Variants in MYLK observed in about 807,000 individuals in gnomAD.
MYLK encodes the protein myosin light chain kinase.
MYLK carries 106 observed loss-of-function variants against 203.4 expected under a neutral mutation model. That is an observed-to-expected ratio of 0.52 (90% CI 0.45 to 0.61). The LOEUF (loss-of-function observed/expected upper bound fraction) is 0.61. Ranked by LOEUF, MYLK falls within the 20% of genes least tolerant of loss-of-function variation. The pLI, the probability that MYLK is intolerant of heterozygous loss-of-function variation, is 0.00. For synonymous variants in MYLK, 867 were observed against 959.5 expected (o/e 0.90, Z 1.78); for missense variants, 2,072 against 2,442.3 (o/e 0.85, Z 3.20).
intron 2 of MYLK, among the ~76,000 whole-genome samples, chr3:123,858,333 C>T (rs990033624): frequency 2.6e-5 from 4 of 152,176 alleles, no homozygotes; most frequent in Non-Finnish European, 4.4e-5. Flanking sequence ...TCTAACCTTT[C>T]ACCCATTCCC....
chr3:123,643,178 C>T (rs534237399), intron 27 of MYLK, among the ~76,000 whole-genome samples: 1 of 152,310 alleles, frequency 6.6e-6, no homozygotes, highest in African/African-American at 2.4e-5. Context: ...TCCATGGCCT[C>T]GTCTCCGCAC....
At chr3:123,797,817 A>G (rs1381842444) in intron 3 of MYLK, among the ~76,000 whole-genome samples, 2 of 152,250 alleles carry the variant, frequency 1.3e-5, no homozygotes, top group Non-Finnish European at 2.9e-5. Flanking sequence ...AATATAGCAT[A>G]AAAGGCATTC....
intron 3 of MYLK, among the ~76,000 whole-genome samples, chr3:123,827,090 C>A (rs1560268330): frequency 6.6e-6 from 1 of 151,912 alleles, no homozygotes; most frequent in African/African-American, 2.4e-5. Context: ...ATATGAAATG[C>A]CAGAAAAACA....
chr3:123,664,493 AGGAT>A (rs141156567), intron 22 of MYLK, among the ~76,000 whole-genome samples: 138,855 of 151,408 alleles, frequency 0.92, 64,834 homozygotes, highest in East Asian at 1. Context: ...GAGCAGGGGC[AGGAT>A]GGATGGATGA....
At chr3:123,808,654 A>G (rs1202852938) in intron 3 of MYLK, among the ~76,000 whole-genome samples, 1 of 152,186 alleles carries the variant, frequency 6.6e-6, no homozygotes, top group Non-Finnish European at 1.5e-5. Context: ...CACTGGTCCA[A>G]TTACAGAAAG....
At position 123,744,066 on chromosome 3, in the gene MYLK, C is replaced by T. The variant is rs185155542; in HGVS notation, c.374-4065G>A. On this transcript the variant is annotated intron_variant, in intron 5 of 33. Coordinates refer to ENST00000360304, the MANE Select transcript of MYLK (RefSeq NM_053025.4). ...TCCACTCTATCAGAACAAATATCCGCTTTTTATAACACGTATTAACTGATA... is the reference window on the plus strand; with the variant it reads ...TCCACTCTATCAGAACAAATATCCGTTTTTTATAACACGTATTAACTGATA... Among the ~76,000 whole-genome samples the T allele has an allele frequency of 4.5e-4, 35 of 77,128 alleles. 1 individual carries two copies. The highest frequency in any genetic ancestry group is 1.6e-3 in the African/African-American group (33 of 20,822). The allele number at this position is 77,128 out of a possible 152,430, so 50.6% of individuals were successfully genotyped here.
intron 21 of MYLK, 78 bp from the exon 22 acceptor site, chr3:123,666,424 A>G: frequency 1.2e-6 from 2 of 1,601,182 alleles, no homozygotes; most frequent in Non-Finnish European, 1.7e-6. Flanking sequence ...CATTGTCCAC[A>G]GTGGTCTGTT....
At chr3:123,786,267 C>T (rs1012423026) in intron 4 of MYLK, among the ~76,000 whole-genome samples, 2 of 150,428 alleles carry the variant, frequency 1.3e-5, no homozygotes, top group Admixed American at 6.6e-5. Context: ...TGTGTCACTG[C>T]ACTCCAGCTT....
rs945151694 is a variant in MYLK at position 123,648,346 on chromosome 3, A to T, written c.4415+625T>A. Among the ~76,000 whole-genome samples the T allele has an allele frequency of 2.0e-5, 3 of 152,232 alleles. No individual in the cohort carries two copies. Among genetic ancestry groups the T allele is most frequent in the Non-Finnish European group, 4.4e-5 (3 of 68,042 alleles). On this transcript the variant is annotated intron_variant, in intron 26 of 33. Coordinates refer to ENST00000360304, the MANE Select transcript of MYLK (RefSeq NM_053025.4). The surrounding 1 kb of genome is among the most constrained non-coding windows in gnomAD (Gnocchi z 4.5). The stretch of plus-strand genomic sequence containing the variant: ...GAGCTTGATGACTGCTGCGCGTTTA[A>T]TGGAGCACTAACGCAGGCATTGCTT...
chr3:123,668,988 C>A (rs1458954749), intron 20 of MYLK, among the ~76,000 whole-genome samples: 1 of 152,238 alleles, frequency 6.6e-6, no homozygotes, highest in Non-Finnish European at 1.5e-5. Flanking sequence ...ATCCAGATAA[C>A]TTCACCTCTG....
At chr3:123,805,997 A>G (rs1291265864) in intron 3 of MYLK, among the ~76,000 whole-genome samples, 1 of 152,268 alleles carries the variant, frequency 6.6e-6, no homozygotes, top group Admixed American at 6.5e-5. Context: ...TTCACATTTC[A>G]CTTAAATGTT....
chr3:123,864,668 G>T (rs1289839420), intron 2 of MYLK, among the ~76,000 whole-genome samples: 5 of 152,128 alleles, frequency 3.3e-5, no homozygotes, highest in African/African-American at 1.2e-4. Context: ...GCTTTGGGAG[G>T]CTGAGACAGG....
chr3:123,633,419 G>A lies in MYLK; in HGVS notation c.4962-3793C>T, dbSNP rs565624183. On this transcript the variant is annotated intron_variant, in intron 29 of 33. Coordinates refer to ENST00000360304, the MANE Select transcript of MYLK (RefSeq NM_053025.4). ...TGGGAGTATAAGCATGAGCCACTGC[G>A]CCCAGCTAGATAACAGTCATTATTT... Among the ~76,000 whole-genome samples the A allele has an allele frequency of 7.9e-5, 12 of 152,284 alleles. No homozygotes were observed. The East Asian group carries it at 1.7e-3, about 22-fold the overall frequency.
intron 2 of MYLK, among the ~76,000 whole-genome samples, chr3:123,842,055 C>G (rs1318489101): frequency 6.6e-6 from 1 of 151,900 alleles, no homozygotes; most frequent in South Asian, 2.1e-4. Context: ...ACCAAATTCA[C>G]CCATTAAAAG....
chr3:123,741,992 G>GTATC (rs1388973675), intron 5 of MYLK, among the ~76,000 whole-genome samples: 1 of 152,170 alleles, frequency 6.6e-6, no homozygotes, highest in African/African-American at 2.4e-5. Flanking sequence ...ATGCTCAGTA[G>GTATC]TATCTGACAC....
At chr3:123,798,983 T>G (rs528423675) in intron 3 of MYLK, among the ~76,000 whole-genome samples, 2 of 152,292 alleles carry the variant, frequency 1.3e-5, no homozygotes, top group East Asian at 3.9e-4. Context: ...ACCAGAGAGG[T>G]TGGGTGATTT....
In MYLK at chr3:123,733,057, G is replaced by A. The variant is rs1560145846; in HGVS notation, c.1355C>T (p.Thr452Ile). The change falls in exon 11 of 34, where the codon ACC becomes ATC. Residue 452 changes from threonine to isoleucine, a missense_variant. Thr to Ile is a moderately conservative substitution (Grantham distance 89, BLOSUM62 -1). Around this residue, in one of 3 missense-constraint regions of MYLK, gnomAD observed 683 missense variants for 643.8 expected, o/e 1.06. Coordinates refer to ENST00000360304, the MANE Select transcript of MYLK (RefSeq NM_053025.4). ...GCTGCCTTCCTGTCTCCTCACGGGG[G>A]TGCCTTCCAGGAACCAGGCCACTTC... ...KPEVAWFLEG[T>I]PVRRQEGSIE... 6.2e-7 allele frequency: 1 copy of A among 1,614,104 alleles called. No individual in the cohort carries two copies. Among genetic ancestry groups the A allele is most frequent in the Non-Finnish European group, 8.5e-7 (1 of 1,180,012 alleles).
At position 123,614,028 on chromosome 3, in the gene MYLK, G is replaced by GA. The variant is rs879035240; in HGVS notation, c.*76_*77insT. 8.6e-7 allele frequency: 1 copy of GA among 1,163,654 alleles called. No individual in the cohort carries two copies. The highest frequency in any genetic ancestry group is 1.6e-5 in the African/African-American group (1 of 61,888). 72.1% of individuals were successfully genotyped at this position (1,163,654 alleles called of 1,614,324 possible). A position where few individuals can be genotyped will look rare whatever the true frequency, so the allele number is the denominator to read the frequency against. On this transcript the variant is annotated 3_prime_UTR_variant, in exon 34 of 34. Coordinates refer to ENST00000360304, the MANE Select transcript of MYLK (RefSeq NM_053025.4). Reference sequence around the variant, plus strand: ...ACACTAGGTGCTTTTACTATCTTGAGTTTTTTTTTTTTTTTTGAGTTTTAG... The same window carrying GA: ...ACACTAGGTGCTTTTACTATCTTGAGATTTTTTTTTTTTTTTTGAGTTTTAG...
intron 13 of MYLK, among the ~76,000 whole-genome samples, chr3:123,711,689 TG>T (rs2061700542): frequency 6.6e-6 from 1 of 152,212 alleles, no homozygotes; most frequent in South Asian, 2.1e-4. Context: ...TAGCAATTTT[TG>T]TTTTTGTTTT....
Sources: allele counts gnomAD v4.1 joint callset (sites outside exome capture counted in the v4.1 genomes callset), GRCh38; gene constraint gnomAD v4.1.1; regional missense constraint gnomAD v4.1.1; non-coding constraint Gnocchi (gnomAD v3.1); transcripts MANE v1.5; gene names NCBI Gene and HGNC (gene_info 2026-07-23, HGNC 2026-07-21).